CSMD2: variants seen among roughly 807,000 people sequenced by gnomAD.
CSMD2 encodes CUB and sushi domain-containing protein 2.
A neutral mutation model predicts 398.5 loss-of-function variants in CSMD2; 130 were observed. The observed-to-expected ratio is 0.33, with a 90% CI of 0.28 to 0.38. The LOEUF is 0.38. Among genes scored for constraint, CSMD2 ranks in the 10% least tolerant of loss-of-function variants. CSMD2 has a pLI of 1.00. For synonymous variants in CSMD2, 1,828 were observed against 1,908.5 expected (o/e 0.96, Z 1.10); for missense variants, 3,829 against 4,764.9 (o/e 0.80, Z 5.78).
intron 2 of CSMD2, among the ~76,000 whole-genome samples, chr1:34,076,489 G>A (rs1266473700): frequency 8.5e-5 from 13 of 152,194 alleles, no homozygotes; most frequent in Admixed American, 7.9e-4. Context: ...CCTAGTAGAT[G>A]TCATCAGCAC....
chr1:33,643,641 G>A (rs528885684), intron 29 of CSMD2, among the ~76,000 whole-genome samples: 2 of 152,204 alleles, frequency 1.3e-5, no homozygotes, highest in East Asian at 3.9e-4. Flanking sequence ...CTTGTTTCAG[G>A]GCATACAGTT....
At chr1:33,618,797 G>A (rs1365603047) in intron 37 of CSMD2, among the ~76,000 whole-genome samples, 2 of 151,904 alleles carry the variant, frequency 1.3e-5, no homozygotes, top group African/African-American at 4.8e-5. Flanking sequence ...GCCATAGGAG[G>A]CACTGAAACA....
At chr1:33,694,905 A>C (rs1645366605) in intron 24 of CSMD2, among the ~76,000 whole-genome samples, 1 of 152,210 alleles carries the variant, frequency 6.6e-6, no homozygotes, top group Non-Finnish European at 1.5e-5. Context: ...CCAGGACAGC[A>C]GAGATCAACA....
chr1:33,579,676 T>C (rs1638554356), intron 48 of CSMD2, among the ~76,000 whole-genome samples: 1 of 150,734 alleles, frequency 6.6e-6, no homozygotes, highest in Admixed American at 6.6e-5. Flanking sequence ...GATTCTTTTT[T>C]TTTAATTTTT....
chr1:33,863,937 C>CA (rs1310007826), intron 5 of CSMD2: 1 of 415,662 alleles, frequency 2.4e-6, no homozygotes, highest in Admixed American at 4.2e-5. Context: ...CTCAAGTAAC[C>CA]AACCAATACG....
At chr1:33,645,675 T>C (rs532728192) in intron 29 of CSMD2, among the ~76,000 whole-genome samples, 2 of 152,356 alleles carry the variant, frequency 1.3e-5, no homozygotes, top group East Asian at 3.9e-4. Flanking sequence ...ATGCATGATA[T>C]GTGCCAGGCA....
rs377069977 is a variant in CSMD2 at position 33,540,696 on chromosome 1, G to A, written c.9460C>T (p.Leu3154Phe). 2.4e-5 allele frequency: 39 copies of A among 1,614,102 alleles called. No homozygotes were observed. Among genetic ancestry groups the A allele is most frequent in the Non-Finnish European group, 3.2e-5 (38 of 1,180,000 alleles). Residue 3154 changes from leucine (L) to phenylalanine (F), a missense_variant and splice_region_variant, in exon 60 of 71, where the codon CTC (leucine) becomes TTC (phenylalanine). By Grantham distance (22) the Leu-to-Phe change is conservative. Around this residue, in one of 5 missense-constraint regions of CSMD2, gnomAD observed 917 missense variants for 1,199.5 expected, o/e 0.76. Transcript: ENST00000373381. The part of the protein sequence containing the change: ...WNGTKPVCKA[L>F]MCKPPPLIPN... ...ATGAGCGGAGGTGGCTTGCACATGA[G>A]AGCTGGAGGGAGACCAAAGCAGGCT...
intron 53 of CSMD2, among the ~76,000 whole-genome samples, chr1:33,565,238 C>A (rs1658946741): frequency 6.6e-6 from 1 of 152,112 alleles, no homozygotes; most frequent in Admixed American, 6.6e-5. Flanking sequence ...GAAAACAAAT[C>A]TTGGTATGTC....
intron 13 of CSMD2, among the ~76,000 whole-genome samples, chr1:33,765,706 GACAACTAT>G (rs1264891857): frequency 6.6e-6 from 1 of 152,118 alleles, no homozygotes; most frequent in Admixed American, 6.5e-5. Flanking sequence ...AGAAATGTAA[GACAACTAT>G]ACAATGAAAA....
intron 3 of CSMD2, among the ~76,000 whole-genome samples, chr1:33,937,276 C>T (rs977627242): frequency 2.0e-5 from 3 of 152,138 alleles, no homozygotes; most frequent in Non-Finnish European, 4.4e-5. Flanking sequence ...GGGAACCAAA[C>T]CCAGCTGGGG....
In CSMD2 at chr1:33,783,734, C is replaced by T. The variant is rs717029; in HGVS notation, c.1663+4866G>A. On this transcript the variant is annotated intron_variant, in intron 12 of 70. Coordinates refer to ENST00000373381, the MANE Select transcript of CSMD2 (RefSeq NM_001281956.2). ...CAGTGTTAGTGTAGGAAAGATGGGC[C>T]GGCCTTCTGTTATGGGGTGCTCTGT... is the stretch of plus-strand genomic sequence containing the variant. Among the ~76,000 whole-genome samples the T allele has an allele frequency of 4.7e-3, 710 of 152,236 alleles. 2 individuals carry two copies. Among genetic ancestry groups the T allele is most frequent in the South Asian group, 0.014 (67 of 4,820 alleles).
At chr1:34,071,379 T>C (rs1177011653) in intron 2 of CSMD2, among the ~76,000 whole-genome samples, 1 of 152,244 alleles carries the variant, frequency 6.6e-6, no homozygotes, top group African/African-American at 2.4e-5. Context: ...CTGGGGCAAC[T>C]GGTGCAGTAA....
rs541308138 is a variant in CSMD2 at position 33,781,869 on chromosome 1, T to C, written c.1663+6731A>G. Among the ~76,000 whole-genome samples, 3 of 151,966 alleles carry C rather than the reference T, an allele frequency of 2.0e-5. No individual in the cohort carries two copies. In the East Asian group the frequency reaches 5.8e-4, roughly 29 times the overall value. ...GAGACTGGCTCAGAGTGCTCAGATA[T>C]TGACAGATCAGGAGTCCCCTCCCCC... On this transcript the variant is annotated intron_variant, in intron 12 of 70. Transcript: ENST00000373381.
intron 10 of CSMD2, among the ~76,000 whole-genome samples, chr1:33,801,803 C>T (rs183523863): frequency 2.0e-5 from 3 of 152,026 alleles, no homozygotes; most frequent in East Asian, 3.9e-4. Context: ...CCAGATGTGC[C>T]CAGACAGGTC....
intron 64 of CSMD2, among the ~76,000 whole-genome samples, chr1:33,531,695 A>C (rs1280574685): frequency 3.3e-5 from 5 of 152,252 alleles, no homozygotes; most frequent in African/African-American, 7.2e-5. Flanking sequence ...ACATTATGCT[A>C]AGGGAAATAA....
intron 12 of CSMD2, among the ~76,000 whole-genome samples, chr1:33,787,440 G>C (rs34945066): frequency 0.12 from 18,884 of 152,202 alleles, 1,496 homozygotes; most frequent in Non-Finnish European, 0.18. Flanking sequence ...CTCCCTAGTA[G>C]CCACCTAGTC....
At chr1:33,597,533 C>T (rs1010319723) in intron 44 of CSMD2, among the ~76,000 whole-genome samples, 1 of 152,206 alleles carries the variant, frequency 6.6e-6, no homozygotes, top group African/African-American at 2.4e-5. Flanking sequence ...TGCCTCATCA[C>T]AAGCATACAA....
intron 3 of CSMD2, among the ~76,000 whole-genome samples, chr1:33,968,503 G>C (rs1246821664): frequency 6.6e-6 from 1 of 152,228 alleles, no homozygotes; most frequent in Non-Finnish European, 1.5e-5. Context: ...GCAGATTAGA[G>C]ATAAGATCTG....
chr1:33,882,081 T>G (rs1041730687), intron 5 of CSMD2: 1 of 152,192 alleles, frequency 6.6e-6, no homozygotes, highest in Non-Finnish European at 1.5e-5. Context: ...TCCCTAAAAG[T>G]GGTATCCACA....
Sources: allele counts gnomAD v4.1 joint callset (sites outside exome capture counted in the v4.1 genomes callset), GRCh38; gene constraint gnomAD v4.1.1; regional missense constraint gnomAD v4.1.1; transcripts MANE v1.5; gene names NCBI Gene and HGNC (gene_info 2026-07-23, HGNC 2026-07-21).